GRID1: variants seen among roughly 807,000 people sequenced by gnomAD.
The protein encoded by GRID1 is glutamate ionotropic receptor delta type subunit 1, also known as glutamate receptor ionotropic, delta-1.
A neutral mutation model predicts 98.0 loss-of-function variants in GRID1; 28 were observed. The ratio of observed to expected loss-of-function variants is 0.29; its 90% CI spans 0.21 to 0.39. The LOEUF (loss-of-function observed/expected upper bound fraction) is 0.39. Ranked by LOEUF, GRID1 falls within the 10% of genes least tolerant of loss-of-function variation. The pLI is 1.00. For missense variants in GRID1, 1,111 were observed against 1,340.5 expected (o/e 0.83, Z 2.67); for synonymous variants, 553 against 538.5 (o/e 1.03, Z -0.37).
rs146335374 is a variant in GRID1 at position 86,031,631 on chromosome 10, C to G, written c.726+107188G>C. ...GTTTAGGTTTTCCACCTCTGCCCCC[C>G]CTCATCAAAGCCCCTACCACCTCTT... On this transcript the variant is annotated intron_variant, in intron 4 of 15. Transcript: ENST00000327946. Among the ~76,000 whole-genome samples the G allele has an allele frequency of 3.1e-3, 466 of 152,212 alleles. 2 individuals are homozygous for G. The highest frequency in any genetic ancestry group is 5.3e-3 in the Non-Finnish European group (359 of 67,998).
At chr10:85,898,668 CT>C (rs1201986435) in intron 5 of GRID1, among the ~76,000 whole-genome samples, 1 of 152,108 alleles carries the variant, frequency 6.6e-6, no homozygotes, top group Non-Finnish European at 1.5e-5. Context: ...CAATATCACT[CT>C]CTTCCACCTC....
chr10:86,231,412 T>TA (rs1846450512), intron 2 of GRID1, among the ~76,000 whole-genome samples: 1 of 152,282 alleles, frequency 6.6e-6, no homozygotes, highest in African/African-American at 2.4e-5. Flanking sequence ...GCTCTGGCTC[T>TA]AATGGCCCCT....
At chr10:86,360,824 G>A (rs1848591112) in intron 2 of GRID1, among the ~76,000 whole-genome samples, 2 of 152,178 alleles carry the variant, frequency 1.3e-5, no homozygotes, top group South Asian at 4.1e-4. Context: ...CACACCACGA[G>A]TGAAGACAAG....
intron 2 of GRID1, among the ~76,000 whole-genome samples, chr10:86,331,426 G>A (rs748428270): frequency 1.3e-5 from 2 of 152,202 alleles, no homozygotes; most frequent in Non-Finnish European, 2.9e-5. Context: ...CCAAGGGGGT[G>A]GCCCAGAGCA....
chr10:86,189,005 G>A (rs985187039), intron 3 of GRID1, among the ~76,000 whole-genome samples: 4 of 152,176 alleles, frequency 2.6e-5, no homozygotes, highest in Admixed American at 6.5e-5. Context: ...ATCCACACCA[G>A]TGAAGAAGCA....
At chr10:86,290,582 G>A (rs1847497836) in intron 2 of GRID1, among the ~76,000 whole-genome samples, 1 of 152,128 alleles carries the variant, frequency 6.6e-6, no homozygotes, top group Non-Finnish European at 1.5e-5. Context: ...AAACCCAGGA[G>A]GCAGAGGTTT....
At chr10:86,256,916 C>G (rs747610324) in intron 2 of GRID1, among the ~76,000 whole-genome samples, 1 of 152,210 alleles carries the variant, frequency 6.6e-6, no homozygotes, top group African/African-American at 2.4e-5. Context: ...GTGAAGGACA[C>G]AGTTCCCACT....
chr10:86,306,399 C>A lies in GRID1; in HGVS notation c.235+57542G>T, dbSNP rs115848193. 2.1e-3 allele frequency among the ~76,000 whole-genome samples: 316 copies of A among 152,292 alleles called. 1 individual carries two copies. Among genetic ancestry groups the A allele is most frequent in the African/African-American group, 7.3e-3 (302 of 41,556 alleles). On this transcript the variant is annotated intron_variant, in intron 2 of 15. Coordinates refer to ENST00000327946, the MANE Select transcript of GRID1 (RefSeq NM_017551.3). ...GTAACATTCCCCAATAGCTTCCTCCCAGTGATTTAAAATAGCTCCTAGTCA... is the reference window on the plus strand; with the variant it reads ...GTAACATTCCCCAATAGCTTCCTCCAAGTGATTTAAAATAGCTCCTAGTCA...
chr10:86,090,411 TTAAAAAA>T (rs1844128841), intron 4 of GRID1, among the ~76,000 whole-genome samples: 2 of 151,638 alleles, frequency 1.3e-5, no homozygotes, highest in African/African-American at 4.8e-5. Context: ...AGACTGTGTC[TTAAAAAA>T]TAAAAAATAA....
intron 5 of GRID1, among the ~76,000 whole-genome samples, chr10:85,887,971 C>T (rs1370324238): frequency 6.6e-6 from 1 of 152,124 alleles, no homozygotes; most frequent in Non-Finnish European, 1.5e-5. Flanking sequence ...ATTCCTCCTA[C>T]AGCCTCTTCT....
chr10:85,991,516 C>T (rs893747419), intron 4 of GRID1, among the ~76,000 whole-genome samples: 1 of 151,514 alleles, frequency 6.6e-6, no homozygotes. Context: ...AGGTGCGGGA[C>T]TGCCCCTCTG....
intron 6 of GRID1, among the ~76,000 whole-genome samples, chr10:85,858,446 A>C (rs1294069776): frequency 6.6e-6 from 1 of 152,128 alleles, no homozygotes; most frequent in Admixed American, 6.5e-5. Context: ...GCCCTCAGCC[A>C]CTTGAGGCCT....
chr10:85,775,911 T>C (rs1842326521), intron 8 of GRID1, among the ~76,000 whole-genome samples: 1 of 152,200 alleles, frequency 6.6e-6, no homozygotes, highest in East Asian at 1.9e-4. Flanking sequence ...AATAGTTTTG[T>C]TCAAATTTTT....
At chr10:85,811,827 A>G (rs1381490445) in intron 8 of GRID1, among the ~76,000 whole-genome samples, 2 of 152,224 alleles carry the variant, frequency 1.3e-5, no homozygotes, top group Non-Finnish European at 2.9e-5. Context: ...AGAAAGAGAG[A>G]GATGGACATC....
intron 5 of GRID1, among the ~76,000 whole-genome samples, chr10:85,872,366 C>G (rs1843286804): frequency 6.6e-6 from 1 of 152,096 alleles, no homozygotes; most frequent in African/African-American, 2.4e-5. Flanking sequence ...TCGTTTTTCC[C>G]ATATTCTCTT....
chr10:85,941,642 C>T (rs1368947548), intron 4 of GRID1, among the ~76,000 whole-genome samples: 1 of 152,142 alleles, frequency 6.6e-6, no homozygotes, highest in Non-Finnish European at 1.5e-5. Flanking sequence ...AACTTTGTTA[C>T]CACTGGGAAC....
intron 3 of GRID1, among the ~76,000 whole-genome samples, chr10:86,198,005 G>A (rs1845899861): frequency 6.6e-6 from 1 of 152,052 alleles, no homozygotes; most frequent in African/African-American, 2.4e-5. Context: ...ATGATCCAAT[G>A]TGTATTATTA....
chr10:86,183,369 T>C (rs1388046809), intron 3 of GRID1, among the ~76,000 whole-genome samples: 1 of 124,530 alleles, frequency 8.0e-6, no homozygotes, highest in Non-Finnish European at 1.7e-5. Context: ...TTTATTTATT[T>C]ATTTATTGAG....
At chr10:86,247,655 G>A (rs1349588184) in intron 2 of GRID1, among the ~76,000 whole-genome samples, 1 of 152,136 alleles carries the variant, frequency 6.6e-6, no homozygotes, top group Non-Finnish European at 1.5e-5. Flanking sequence ...TTCAAAGTTG[G>A]GAAACTAAGA....
Sources: allele counts gnomAD v4.1 joint callset (sites outside exome capture counted in the v4.1 genomes callset), GRCh38; gene constraint gnomAD v4.1.1; transcripts MANE v1.5; gene names NCBI Gene and HGNC (gene_info 2026-07-23, HGNC 2026-07-21).